Variants in ERN1 observed in about 807,000 individuals in gnomAD.
The protein encoded by ERN1 is serine/threonine-protein kinase/endoribonuclease IRE1.
In ERN1, 39 loss-of-function variants were observed where a neutral mutation model predicts 113.1. That is an observed-to-expected ratio of 0.34 (90% CI 0.27 to 0.45). The LOEUF (loss-of-function observed/expected upper bound fraction) is 0.45. ERN1 is among the 20% of genes least tolerant of loss of function. The probability of loss-of-function intolerance (pLI) is 1.00; values close to 1 mark genes in which losing one functional copy is unlikely to be tolerated. For missense variants in ERN1, 976 were observed against 1,274.8 expected (o/e 0.77, Z 3.57); for synonymous variants, 507 against 515.9 (o/e 0.98, Z 0.23).
chr17:64,126,786 T>G (rs1360353877), intron 1 of ERN1, among the ~76,000 whole-genome samples: 1 of 152,098 alleles, frequency 6.6e-6, no homozygotes, highest in East Asian at 1.9e-4. Flanking sequence ...GCAAAGACAT[T>G]GCTAGTTAAG....
intron 2 of ERN1, among the ~76,000 whole-genome samples, chr17:64,095,647 G>A (rs1223908448): frequency 6.6e-6 from 1 of 152,028 alleles, no homozygotes; most frequent in Non-Finnish European, 1.5e-5. Context: ...CGAAAAGCGA[G>A]CACCTGTTGA....
chr17:64,113,978 G>A (rs1018418028), intron 1 of ERN1, among the ~76,000 whole-genome samples: 6 of 151,606 alleles, frequency 4.0e-5, no homozygotes, highest in Non-Finnish European at 7.4e-5. Flanking sequence ...CACCGTGCCC[G>A]GTGACCTTTA....
At position 64,043,255 on chromosome 17, in the gene ERN1, A is replaced by C. The variant is rs1306700707; in HGVS notation, c.*733T>G. 6.6e-6 allele frequency: 1 copy of C among 152,200 alleles called. No homozygotes were observed. The highest frequency in any genetic ancestry group is 1.5e-5 in the Non-Finnish European group (1 of 68,212). 9.4% of individuals were successfully genotyped at this position (152,200 alleles called of 1,614,324 possible). On this transcript the variant is annotated 3_prime_UTR_variant, in exon 22 of 22. Transcript: ENST00000433197. ...CCCCGAGATGGCCCGGGACACACCC[A>C]CCAAAGGCCACTGTTCTGGCCACTG...
At chr17:64,050,272 C>T (rs913135913) in intron 17 of ERN1, among the ~76,000 whole-genome samples, 2 of 152,182 alleles carry the variant, frequency 1.3e-5, no homozygotes, top group African/African-American at 4.8e-5. Context: ...GCCCCTGACT[C>T]CCAGAGCTCT....
At chr17:64,091,884 C>T (rs149305146) in intron 2 of ERN1, among the ~76,000 whole-genome samples, 231 of 152,290 alleles carry the variant, frequency 1.5e-3, no homozygotes, top group African/African-American at 5.5e-3. Context: ...GTTGTTGAAA[C>T]GGCCAACCCA....
chr17:64,104,818 C>T (rs957574418), intron 1 of ERN1, among the ~76,000 whole-genome samples: 2 of 149,340 alleles, frequency 1.3e-5, no homozygotes, highest in Non-Finnish European at 3.0e-5. Context: ...GACTCCATCT[C>T]AAAAAAAAAG....
intron 2 of ERN1, among the ~76,000 whole-genome samples, chr17:64,084,086 C>T (rs574867911): frequency 7.2e-5 from 11 of 152,134 alleles, no homozygotes; most frequent in East Asian, 3.9e-4. Flanking sequence ...TCCCCTCTCC[C>T]GGGTCCTTTC....
intron 11 of ERN1, among the ~76,000 whole-genome samples, chr17:64,059,939 C>T (rs1337098819): frequency 6.7e-6 from 1 of 149,668 alleles, no homozygotes; most frequent in East Asian, 2.0e-4. Flanking sequence ...GATCCTCCTG[C>T]CTTGGTCTCC....
At chr17:64,055,465 G>A (rs189268393) in intron 13 of ERN1, among the ~76,000 whole-genome samples, 1 of 152,348 alleles carries the variant, frequency 6.6e-6, no homozygotes, top group African/African-American at 2.4e-5. Context: ...ACAGGAGGAT[G>A]GCCAGGGTGG....
At chr17:64,068,544 G>T (rs140620888) in intron 6 of ERN1, among the ~76,000 whole-genome samples, 21 of 152,360 alleles carry the variant, frequency 1.4e-4, no homozygotes, top group African/African-American at 4.8e-4. Flanking sequence ...GCTCACAGAA[G>T]TGTAAGCAAT....
chr17:64,130,119 A>T lies in ERN1; in HGVS notation c.-90T>A, dbSNP rs1477064764. On this transcript the variant is annotated 5_prime_UTR_variant, in exon 1 of 22. Transcript: ENST00000433197. The surrounding 1 kb of genome is among the most constrained non-coding windows in gnomAD (Gnocchi z 4.0). ...GACAGCGAGGCGGTGACCGAGCCTC[A>T]GCGGACGCAGAACTGACTAGGCAGC... 5 of 1,190,136 alleles carry T rather than the reference A, an allele frequency of 4.2e-6. No homozygotes were observed. Among genetic ancestry groups the T allele is most frequent in the Non-Finnish European group, 2.1e-6 (2 of 932,450 alleles). 73.7% of individuals were successfully genotyped at this position (1,190,136 alleles called of 1,614,324 possible).
chr17:64,073,515 G>C (rs539829257), intron 5 of ERN1, among the ~76,000 whole-genome samples: 1 of 147,546 alleles, frequency 6.8e-6, no homozygotes, highest in Non-Finnish European at 1.5e-5. Context: ...TTTTTGAGAC[G>C]GAGTCTCGCT....
intron 1 of ERN1, among the ~76,000 whole-genome samples, chr17:64,114,877 T>C (rs564038449): frequency 6.6e-6 from 1 of 152,260 alleles, no homozygotes; most frequent in Admixed American, 6.5e-5. Flanking sequence ...CAGAACTTCG[T>C]AGGAGAGCGT....
chr17:64,052,535 AAC>A (rs1912717571), intron 17 of ERN1, among the ~76,000 whole-genome samples: 1 of 15,028 alleles, frequency 6.7e-5, no homozygotes, highest in Admixed American at 1.3e-3. Context: ...CAACCAACCA[AAC>A]AAAAAAAAAA....
chr17:64,112,232 GT>G (rs371094901), intron 1 of ERN1, among the ~76,000 whole-genome samples: 6 of 152,190 alleles, frequency 3.9e-5, no homozygotes, highest in African/African-American at 1.4e-4. Context: ...GCCGGACACG[GT>G]GGCACATGCT....
rs1014582014 is a variant in ERN1 at position 64,041,622 on chromosome 17, G to C, written c.*2366C>G. On this transcript the variant is annotated 3_prime_UTR_variant, in exon 22 of 22. Coordinates refer to ENST00000433197, the MANE Select transcript of ERN1 (RefSeq NM_001433.5). ...AAGGCGACTAAGAGGAAAGACCAGAGGTGACCGGACCAGATCCCTGTGATT... is the reference window on the plus strand; with the variant it reads ...AAGGCGACTAAGAGGAAAGACCAGACGTGACCGGACCAGATCCCTGTGATT... 1 of 152,266 alleles carries C rather than the reference G, an allele frequency of 6.6e-6. No homozygotes were observed. Among genetic ancestry groups the C allele is most frequent in the East Asian group, 1.9e-4 (1 of 5,180 alleles). The allele number at this position is 152,266 out of a possible 1,614,324, so 9.4% of individuals were successfully genotyped here.
intron 20 of ERN1, 114 bp downstream of exon 20, chr17:64,045,245 G>T: frequency 8.1e-7 from 1 of 1,241,852 alleles, no homozygotes; most frequent in Non-Finnish European, 1.1e-6. Flanking sequence ...TCTCAAACCT[G>T]ACAGGTGGGA....
chr17:64,040,297 C>G lies in ERN1; in HGVS notation c.*3691G>C, dbSNP rs954003996. 1 of 152,180 alleles carries G rather than the reference C, an allele frequency of 6.6e-6. No homozygotes were observed. Among genetic ancestry groups the G allele is most frequent in the Admixed American group, 6.6e-5 (1 of 15,264 alleles). 9.4% of individuals were successfully genotyped at this position (152,180 alleles called of 1,614,324 possible). A position where few individuals can be genotyped will look rare whatever the true frequency, so the allele number is the denominator to read the frequency against. ...CAAAAGTGGAACTGGCCCCCAGTTC[C>G]CAGAGGATCACAAGGCCAAGGATCC... On this transcript the variant is annotated 3_prime_UTR_variant, in exon 22 of 22. Transcript: ENST00000433197.
intron 7 of ERN1, 177 bp downstream of exon 7, chr17:64,068,013 G>A (rs1203141795): frequency 1.8e-6 from 1 of 551,148 alleles, no homozygotes; most frequent in Non-Finnish European, 3.3e-6. Flanking sequence ...ACTTCACCAA[G>A]GCCCCTGCAC....
Sources: gnomAD v4.1 joint callset for allele counts (sites outside exome capture counted in the v4.1 genomes callset) on GRCh38, gnomAD v4.1.1 for gene constraint, Gnocchi (gnomAD v3.1) non-coding constraint, MANE v1.5 for transcripts, NCBI Gene and HGNC (gene_info 2026-07-23, HGNC 2026-07-21) for gene names.